The following ZNF248 variants were observed in gnomAD, a reference collection of about 807,000 sequenced individuals.
ZNF248 encodes the protein zinc finger protein 248.
In ZNF248, 20 loss-of-function variants were observed where a neutral mutation model predicts 44.3. The observed-to-expected ratio is 0.45, with a 90% CI of 0.32 to 0.66. The LOEUF (loss-of-function observed/expected upper bound fraction) is 0.66, where lower values mean the gene tolerates loss of function less well. ZNF248 is among the 30% of genes least tolerant of loss of function. ZNF248 has a pLI of 0.04. For synonymous variants in ZNF248, 224 were observed against 229.0 expected (o/e 0.98, Z 0.20); for missense variants, 654 against 677.0 (o/e 0.97, Z 0.38).
chr10:37,801,191 A>G (rs2049774123), intron 6 of ZNF248, among the ~76,000 whole-genome samples: 1 of 151,782 alleles, frequency 6.6e-6, no homozygotes, highest in Non-Finnish European at 1.5e-5. Flanking sequence ...CCTGGCTAAC[A>G]TGGTGAAACC....
intron 6 of ZNF248, among the ~76,000 whole-genome samples, chr10:37,815,530 T>G (rs918425002): frequency 6.6e-6 from 1 of 152,094 alleles, no homozygotes; most frequent in Admixed American, 6.6e-5. Context: ...ATTTTGTTTA[T>G]AGTTTTCTTG....
At chr10:37,849,078 A>G (rs2134618821) in intron 3 of ZNF248, among the ~76,000 whole-genome samples, 1 of 152,376 alleles carries the variant, frequency 6.6e-6, no homozygotes, top group East Asian at 1.9e-4. Flanking sequence ...AAAACTATTC[A>G]TTCCATAAAC....
rs191487278 is a variant in ZNF248, at chr10:37,780,975, G to T, written c.331-4400C>A. ...AGAGCACAGTTGTTGGGGACCGTGC[G>T]GGACACGTTTTTGTTCGGGACCATT... On this transcript the variant is annotated intron_variant, in intron 6 of 6. Transcript: ENST00000615949. 2.0e-5 allele frequency among the ~76,000 whole-genome samples: 3 copies of T among 151,344 alleles called. No homozygotes were observed. In the East Asian group the frequency reaches 5.8e-4, roughly 29 times the overall value.
chr10:37,842,521 G>A (rs1310127864), intron 3 of ZNF248, among the ~76,000 whole-genome samples: 5 of 152,176 alleles, frequency 3.3e-5, no homozygotes, highest in Admixed American at 3.3e-4. Flanking sequence ...TTCCAAGTGT[G>A]GGTCCTGGTC....
upstream of ZNF248, chr10:37,857,624 G>C (rs905205856): frequency 1.3e-5 from 2 of 152,282 alleles, no homozygotes; most frequent in African/African-American, 4.8e-5. Flanking sequence ...TCCTCCCCGC[G>C]GGCTCAGGGC....
chr10:37,807,834 G>A (rs932366531), intron 6 of ZNF248, among the ~76,000 whole-genome samples: 1 of 151,892 alleles, frequency 6.6e-6, no homozygotes, highest in African/African-American at 2.4e-5. Context: ...AATCATATAA[G>A]AACAAAAAAA....
intron 6 of ZNF248, among the ~76,000 whole-genome samples, chr10:37,815,719 G>C (rs985464988): frequency 2.0e-5 from 3 of 151,838 alleles, no homozygotes; most frequent in Admixed American, 6.6e-5. Context: ...GTTGAAAAGT[G>C]GACATTTGAA....
At chr10:37,768,140 C>A in the ZNF248 span, among the ~76,000 whole-genome samples, 2 of 152,158 alleles carry the variant, frequency 1.3e-5, no homozygotes, top group South Asian at 4.1e-4. Flanking sequence ...TCCTTAGCGA[C>A]CTACAAAGAA....
rs766221129 is a variant in ZNF248, at chr10:37,832,971, G to C, written c.384C>G (p.Asp128Glu). 1.9e-6 allele frequency: 3 copies of C among 1,613,660 alleles called. No individual in the cohort carries two copies. The highest frequency in any genetic ancestry group is 2.5e-6 in the Non-Finnish European group (3 of 1,179,762). ...AGGGATAATTTCTTAAAGAAACAGG[G>C]TCTGTGCCCAAATTGAAAGTTTTGC... is the stretch of plus-strand genomic sequence containing the variant. ...RGSKTFNLGT[D>E]PVSLRNYPYK... Residue 128 changes from aspartate to glutamate, a missense_variant, in exon 6 of 6, where the codon GAC becomes GAG. Coordinates refer to ENST00000395867, the MANE Select transcript of ZNF248 (RefSeq NM_021045.3).
At chr10:37,777,260 T>C (rs186543551) in intron 6 of ZNF248, among the ~76,000 whole-genome samples, 348 of 152,242 alleles carry the variant, frequency 2.3e-3, no homozygotes, top group Non-Finnish European at 3.5e-3. Flanking sequence ...GACCACAAAA[T>C]TATGTAAAAC....
chr10:37,831,096 A>G lies in ZNF248; in HGVS notation c.*519T>C, dbSNP rs2133870348. ...ATTATGTCAACCTATAAAGACACCA[A>G]TGGTATTTAGTGTAGAAAATATTAA... On this transcript the variant is annotated 3_prime_UTR_variant, in exon 6 of 6. Coordinates refer to ENST00000395867, the MANE Select transcript of ZNF248 (RefSeq NM_021045.3). 4 of 1,385,936 alleles carry G rather than the reference A, an allele frequency of 2.9e-6. No individual in the cohort carries two copies. The highest frequency in any genetic ancestry group is 1.7e-5 in the South Asian group (1 of 58,706). 85.9% of individuals were successfully genotyped at this position (1,385,936 alleles called of 1,614,324 possible).
At chr10:37,758,910 A>G in the ZNF248 span, among the ~76,000 whole-genome samples, 4 of 152,310 alleles carry the variant, frequency 2.6e-5, no homozygotes, top group South Asian at 2.1e-4. Context: ...ACTTATCCCA[A>G]TGCAGAAACA....
downstream of ZNF248, among the ~76,000 whole-genome samples, chr10:37,772,781 T>C (rs2132736196): frequency 6.6e-6 from 1 of 152,302 alleles, no homozygotes; most frequent in African/African-American, 2.4e-5. Context: ...CATTTACTGA[T>C]CCTTGAAGTC....
At chr10:37,787,409 G>A (rs561432721) in intron 6 of ZNF248, among the ~76,000 whole-genome samples, 5 of 152,108 alleles carry the variant, frequency 3.3e-5, no homozygotes, top group Non-Finnish European at 7.4e-5. Flanking sequence ...AATTAATTGA[G>A]TCCAGGAATA....
chr10:37,759,333 C>T, the ZNF248 span, among the ~76,000 whole-genome samples: 3 of 152,146 alleles, frequency 2.0e-5, no homozygotes, highest in Non-Finnish European at 4.4e-5. Context: ...ATGATGGAAG[C>T]TACCAACACA....
chr10:37,811,561 G>A (rs563002895), intron 6 of ZNF248, among the ~76,000 whole-genome samples: 19 of 151,870 alleles, frequency 1.3e-4, no homozygotes, highest in African/African-American at 4.1e-4. Context: ...TAGGCCAGGC[G>A]CAGTGGCTCG....
At chr10:37,777,220 T>G (rs2046675148) in intron 6 of ZNF248, among the ~76,000 whole-genome samples, 1 of 152,134 alleles carries the variant, frequency 6.6e-6, no homozygotes, top group Non-Finnish European at 1.5e-5. Context: ...GGAACTTGCC[T>G]TGAACCTTTG....
intron 6 of ZNF248, among the ~76,000 whole-genome samples, chr10:37,796,749 T>G (rs1034864233): frequency 6.6e-6 from 1 of 152,078 alleles, no homozygotes; most frequent in African/African-American, 2.4e-5. Flanking sequence ...TTTAATTCGA[T>G]TTTACATCTT....
intron 5 of ZNF248, among the ~76,000 whole-genome samples, chr10:37,835,819 C>A (rs1460766881): frequency 1.3e-5 from 2 of 152,190 alleles, no homozygotes; most frequent in Non-Finnish European, 2.9e-5. Flanking sequence ...CTGCCTCATT[C>A]CTTTAACATC....
Sources: allele counts gnomAD v4.1 joint callset (sites outside exome capture counted in the v4.1 genomes callset), GRCh38; gene constraint gnomAD v4.1.1; transcripts MANE v1.5; gene names NCBI Gene and HGNC (gene_info 2026-07-23, HGNC 2026-07-21).